Variants in RCOR1 observed in about 807,000 individuals in gnomAD.
RCOR1 encodes the protein REST corepressor.
A neutral mutation model predicts 64.0 loss-of-function variants in RCOR1; 12 were observed. The ratio of observed to expected loss-of-function variants is 0.19; its 90% CI spans 0.12 to 0.30. The LOEUF (loss-of-function observed/expected upper bound fraction) is 0.30. Among genes scored for constraint, RCOR1 ranks in the 10% least tolerant of loss-of-function variants. The pLI, the probability that RCOR1 is intolerant of heterozygous loss-of-function variation, is 1.00. For synonymous variants in RCOR1, 279 were observed against 227.2 expected (o/e 1.23, Z -2.05); for missense variants, 502 against 621.2 (o/e 0.81, Z 2.04).
chr14:102,613,558 G>A (rs1197514097), intron 2 of RCOR1, among the ~76,000 whole-genome samples: 3 of 150,012 alleles, frequency 2.0e-5, no homozygotes, highest in African/African-American at 7.3e-5. Context: ...TCAGCCTCCC[G>A]AGTAGCTGGG....
intron 4 of RCOR1, among the ~76,000 whole-genome samples, chr14:102,703,925 C>T (rs569002239): frequency 1.1e-4 from 17 of 152,360 alleles, no homozygotes; most frequent in East Asian, 3.9e-4. Context: ...CATGCCACAC[C>T]GACCACATCT....
intron 2 of RCOR1, chr14:102,643,348 G>A: frequency 1.0e-5 from 10 of 974,112 alleles, no homozygotes; most frequent in Non-Finnish European, 1.2e-5. Flanking sequence ...TTCCAGGAAA[G>A]GAAGAAAGGT....
intron 2 of RCOR1, among the ~76,000 whole-genome samples, chr14:102,642,616 G>C (rs1168905009): frequency 2.0e-5 from 3 of 152,042 alleles, no homozygotes; most frequent in Admixed American, 6.6e-5. Context: ...GGGAAGGATC[G>C]CTTGAGCCCA....
chr14:102,674,074 A>G (rs139644616), intron 2 of RCOR1, among the ~76,000 whole-genome samples: 1,562 of 152,248 alleles, frequency 0.01, 16 homozygotes, highest in Admixed American at 0.015. Flanking sequence ...GATTTATTTT[A>G]AGGAATTGGT....
intron 2 of RCOR1, among the ~76,000 whole-genome samples, chr14:102,654,786 GTTTTTTT>G (rs570052553): frequency 1.7e-5 from 2 of 118,386 alleles, no homozygotes; most frequent in Non-Finnish European, 3.4e-5. Flanking sequence ...CTGTGGTTGA[GTTTTTTT>G]TTTTTTTTTT....
At chr14:102,639,260 CTT>C in intron 2 of RCOR1, among the ~76,000 whole-genome samples, 1 of 112,470 alleles carries the variant, frequency 8.9e-6, no homozygotes, top group South Asian at 3.0e-4. Flanking sequence ...TGTTTTCTTT[CTT>C]TCTTTTTTTT....
At chr14:102,611,203 C>T (rs1050033596) in intron 2 of RCOR1, among the ~76,000 whole-genome samples, 37 of 152,114 alleles carry the variant, frequency 2.4e-4, no homozygotes, top group Admixed American at 3.9e-4. Context: ...TCCTGAGTAG[C>T]TGTGATTACA....
chr14:102,616,240 G>GTGTATGTGTGTA (rs1555462068), intron 2 of RCOR1, among the ~76,000 whole-genome samples: 1 of 103,224 alleles, frequency 9.7e-6, no homozygotes, highest in Non-Finnish European at 2.2e-5. Flanking sequence ...GTGTGTGTGT[G>GTGTATGTGTGTA]TGTGTGTGTA....
At chr14:102,720,114 T>G (rs1896147067) in intron 8 of RCOR1, among the ~76,000 whole-genome samples, 1 of 152,194 alleles carries the variant, frequency 6.6e-6, no homozygotes, top group South Asian at 2.1e-4. Flanking sequence ...CATGAATGTC[T>G]TTTACATTTT....
At chr14:102,665,433 G>C (rs11850368) in intron 2 of RCOR1, among the ~76,000 whole-genome samples, 45,696 of 151,460 alleles carry the variant, frequency 0.3, 7,003 homozygotes, top group East Asian at 0.38. Context: ...ATTAGGTTAG[G>C]TGTATTAAGT....
Position 102,592,808 on chromosome 14 carries a change from C to G in RCOR1, c.-79C>G, listed in dbSNP as rs1796289117. Reference sequence around the variant, plus strand: ...CCCGCCCGGCCCCGCGCCGGCCCCGCGCCCCCTCCCCCGTCTCGGCGCCCC... The same window carrying G: ...CCCGCCCGGCCCCGCGCCGGCCCCGGGCCCCCTCCCCCGTCTCGGCGCCCC... On this transcript the variant is annotated 5_prime_UTR_variant, in exon 1 of 12. Coordinates refer to ENST00000262241, the MANE Select transcript of RCOR1 (RefSeq NM_015156.4). The G allele has an allele frequency of 1.7e-6, 2 of 1,175,592 alleles. No homozygotes were observed. Among genetic ancestry groups the G allele is most frequent in the South Asian group, 8.4e-5 (2 of 23,824 alleles). 72.8% of individuals were successfully genotyped at this position (1,175,592 alleles called of 1,614,324 possible).
intron 2 of RCOR1, chr14:102,656,069 T>A (rs1032018381): frequency 2.0e-6 from 2 of 985,310 alleles, no homozygotes; most frequent in Non-Finnish European, 2.4e-6. Flanking sequence ...TGTTTCTTGA[T>A]GTACCCATTT....
chr14:102,688,713 C>T (rs983281195), intron 3 of RCOR1, among the ~76,000 whole-genome samples: 2 of 152,110 alleles, frequency 1.3e-5, no homozygotes, highest in East Asian at 1.9e-4. Context: ...TATTAAATGC[C>T]GTTAAGTATA....
At chr14:102,724,524 G>C (rs1459501637) in intron 11 of RCOR1, among the ~76,000 whole-genome samples, 1 of 152,118 alleles carries the variant, frequency 6.6e-6, no homozygotes, top group African/African-American at 2.4e-5. Context: ...TAGAGATGGG[G>C]TTTCGGCATG....
chr14:102,721,290 T>C, intron 9 of RCOR1, 30 bp from the exon 10 acceptor site: 1 of 1,588,252 alleles, frequency 6.3e-7, no homozygotes, highest in Non-Finnish European at 8.6e-7. Flanking sequence ...CTAAATGTAA[T>C]GTGCTAAAAT....
intron 2 of RCOR1, among the ~76,000 whole-genome samples, chr14:102,596,161 G>A (rs147746985): frequency 1.1e-4 from 17 of 151,830 alleles, no homozygotes; most frequent in Admixed American, 1.1e-3. Context: ...GAGTGCAATG[G>A]CGTGATCTGG....
chr14:102,722,802 A>C (rs763758471), intron 11 of RCOR1, among the ~76,000 whole-genome samples: 14 of 152,236 alleles, frequency 9.2e-5, no homozygotes, highest in Non-Finnish European at 1.6e-4. Context: ...CGTCATCTGC[A>C]ATGTGCAGTC....
chr14:102,666,399 C>A lies in RCOR1; in HGVS notation c.362-15496C>A, dbSNP rs547527276. On this transcript the variant is annotated intron_variant, in intron 2 of 11. Coordinates refer to ENST00000262241, the MANE Select transcript of RCOR1 (RefSeq NM_015156.4). ...GTACAAAGAGTTTCCATATACCCTA[C>A]ACCCAGTTTCCCCGTTATTAACATC... is the stretch of plus-strand genomic sequence containing the variant. Among the ~76,000 whole-genome samples, 7 of 152,316 alleles carry A rather than the reference C, an allele frequency of 4.6e-5. No homozygotes were observed. In the South Asian group the frequency reaches 1.5e-3, roughly 32 times the overall value.
At chr14:102,654,001 T>TGTTTCTTTC (rs1442195145) in intron 2 of RCOR1, among the ~76,000 whole-genome samples, 2 of 131,686 alleles carry the variant, frequency 1.5e-5, no homozygotes, top group African/African-American at 6.1e-5. Context: ...TTTTTTTTTT[T>TGTTTCTTTC]TTGAGACGGA....
Sources: gnomAD v4.1 joint callset for allele counts (sites outside exome capture counted in the v4.1 genomes callset) on GRCh38, gnomAD v4.1.1 for gene constraint, MANE v1.5 for transcripts, NCBI Gene and HGNC (gene_info 2026-07-23, HGNC 2026-07-21) for gene names.